The following SMAD6 variants were observed in gnomAD, a reference collection of about 807,000 sequenced individuals.
SMAD6 encodes the protein MAD homolog 6.
A neutral mutation model predicts 39.4 loss-of-function variants in SMAD6; 103 were observed. The observed-to-expected ratio is 2.62, with a 90% CI of 2.23 to 3.08. The LOEUF is 3.08. Among genes scored for constraint, SMAD6 ranks in the 30% most tolerant of loss-of-function variants. The pLI, the probability that SMAD6 is intolerant of heterozygous loss-of-function variation, is 0.00. For missense variants in SMAD6, 1,104 were observed against 742.9 expected (o/e 1.49, Z -5.65); for synonymous variants, 445 against 353.3 (o/e 1.26, Z -2.91).
intron 3 of SMAD6, among the ~76,000 whole-genome samples, chr15:66,721,668 AT>A (rs1893434693): frequency 6.6e-6 from 1 of 152,208 alleles, no homozygotes; most frequent in African/African-American, 2.4e-5. Context: ...GTTAAATGAG[AT>A]GATGCCTGTG....
intron 3 of SMAD6, among the ~76,000 whole-genome samples, chr15:66,735,138 TC>T (rs1467805503): frequency 2.6e-5 from 4 of 152,182 alleles, no homozygotes; most frequent in Non-Finnish European, 5.9e-5. Context: ...CAGGACACCA[TC>T]CCAGAGCTCT....
At chr15:66,749,161 CA>C (rs1351259744) in intron 3 of SMAD6, among the ~76,000 whole-genome samples, 2 of 152,048 alleles carry the variant, frequency 1.3e-5, no homozygotes, top group Non-Finnish European at 2.9e-5. Flanking sequence ...CCCGTCTCTA[CA>C]AAAAATACAA....
chr15:66,780,717 C>T lies in SMAD6; in HGVS notation c.953-280C>T, dbSNP rs78848466. ...GCAGGGTGTGCATGGTTCATGTCTG[C>T]GTCCGCAGCATCTAGCACACAACAG... On this transcript the variant is annotated intron_variant, in intron 3 of 3. Transcript: ENST00000288840. 7.9e-3 allele frequency among the ~76,000 whole-genome samples: 1,203 copies of T among 152,300 alleles called. 89 individuals carry two copies. The East Asian group carries it at 0.17, about 21-fold the overall frequency.
At position 66,782,145 on chromosome 15, in the gene SMAD6, A is replaced by G. The variant is rs538551080; in HGVS notation, c.*610A>G. ...TTGAAAAGGGAGGAAAGTCACATTT[A>G]CTCTTAAGTAAACCAGAGAAAGTTC... On this transcript the variant is annotated 3_prime_UTR_variant, in exon 4 of 4. Transcript: ENST00000288840. 2.6e-6 allele frequency: 1 copy of G among 381,532 alleles called. No individual in the cohort carries two copies. The highest frequency in any genetic ancestry group is 1.5e-4 in the South Asian group (1 of 6,868). The allele number at this position is 381,532 out of a possible 1,614,324, so 23.6% of individuals were successfully genotyped here. A position where few individuals can be genotyped will look rare whatever the true frequency, so the allele number is the denominator to read the frequency against.
rs1337307419 is a variant in SMAD6, at chr15:66,703,742, C to T, written c.484C>T (p.Arg162Cys). 31 of 1,380,464 alleles carry T rather than the reference C, an allele frequency of 2.2e-5. No homozygotes were observed. The highest frequency in any genetic ancestry group is 2.6e-5 in the Non-Finnish European group (27 of 1,054,108). 85.5% of individuals were successfully genotyped at this position (1,380,464 alleles called of 1,614,324 possible). ...PAGGGRSREARSRLLLLEQEL... is the reference protein window; with the variant it reads ...PAGGGRSREACSRLLLLEQEL... ...GGGCGGCGGGCGGAGTCGCGAAGCG[C>T]GCTCGCGGCTGCTGCTGCTGGAGCA... The change falls in exon 1 of 4, where the codon CGC becomes TGC. Residue 162 changes from arginine (R) to cysteine (C), a missense_variant. Physicochemically the swap from Arg to Cys is radical, Grantham distance 180. Transcript: ENST00000288840.
chr15:66,777,287 G>A (rs1894483425), intron 3 of SMAD6, among the ~76,000 whole-genome samples: 1 of 152,202 alleles, frequency 6.6e-6, no homozygotes, highest in Non-Finnish European at 1.5e-5. Context: ...CCTAGGGCCT[G>A]AGCCCAGCAG....
chr15:66,742,555 A>G (rs910731259), intron 3 of SMAD6, among the ~76,000 whole-genome samples: 5 of 151,984 alleles, frequency 3.3e-5, no homozygotes, highest in Non-Finnish European at 5.9e-5. Flanking sequence ...TGCAGCCTCA[A>G]TGTTTGTGGT....
intron 3 of SMAD6, among the ~76,000 whole-genome samples, chr15:66,777,383 C>T (rs1894484956): frequency 1.3e-5 from 2 of 152,012 alleles, no homozygotes; most frequent in South Asian, 4.1e-4. Context: ...CTGTCCCCTT[C>T]CCTTTTATTA....
At chr15:66,753,638 A>G (rs895459418) in intron 3 of SMAD6, among the ~76,000 whole-genome samples, 2 of 152,210 alleles carry the variant, frequency 1.3e-5, no homozygotes, top group African/African-American at 4.8e-5. Flanking sequence ...GCCTTCTGCC[A>G]TGGTAGGAGG....
chr15:66,704,044 C>A lies in SMAD6; in HGVS notation c.786C>A (p.Asn262Lys). ...CCGACGGCCCTACCGTGTGCTGCAA[C>A]CCCTACCACTTCAGCCGGCTCTGCG... ...AAADGPTVCCNPYHFSRLCGP... is the reference protein window; with the variant it reads ...AAADGPTVCCKPYHFSRLCGP... Residue 262 changes from asparagine (N) to lysine (K), a missense_variant, in exon 1 of 4, where the codon AAC becomes AAA. By Grantham distance (94) the Asn-to-Lys change is moderately conservative. Coordinates refer to ENST00000288840, the MANE Select transcript of SMAD6 (RefSeq NM_005585.5). 6.6e-7 allele frequency: 1 copy of A among 1,510,890 alleles called. No homozygotes were observed. The highest frequency in any genetic ancestry group is 8.8e-7 in the Non-Finnish European group (1 of 1,138,840). 93.6% of individuals were successfully genotyped at this position (1,510,890 alleles called of 1,614,324 possible). A position where few individuals can be genotyped will look rare whatever the true frequency, so the allele number is the denominator to read the frequency against.
chr15:66,761,161 A>G (rs180991140), intron 3 of SMAD6, among the ~76,000 whole-genome samples: 43 of 151,668 alleles, frequency 2.8e-4, no homozygotes, highest in Admixed American at 2.8e-3. Context: ...AGCCGGGAAA[A>G]CCCCTCTCTG....
chr15:66,719,382 G>A (rs906371501), intron 3 of SMAD6, among the ~76,000 whole-genome samples: 3 of 152,306 alleles, frequency 2.0e-5, no homozygotes, highest in South Asian at 2.1e-4. Flanking sequence ...GGTGCAGGGC[G>A]GCTCCGTGCC....
At position 66,781,308 on chromosome 15, in the gene SMAD6, G is replaced by A; in HGVS notation, c.1264G>A (p.Gly422Ser). The A allele has an allele frequency of 1.2e-6, 2 of 1,601,496 alleles. No individual in the cohort carries two copies. Among genetic ancestry groups the A allele is most frequent in the Non-Finnish European group, 1.7e-6 (2 of 1,175,458 alleles). Reference sequence around the variant, plus strand: ...CTCCCCGACGCTGGACGCGCCCGGCGGCCGCGCCCTGGTCGTGCGCAAGGT... The same window carrying A: ...CTCCCCGACGCTGGACGCGCCCGGCAGCCGCGCCCTGGTCGTGCGCAAGGT... ...VNSPTLDAPG[G>S]RALVVRKVPP... is the part of the protein sequence containing the mutation. Residue 422 changes from glycine to serine, a missense_variant, in exon 4 of 4, where the codon GGC becomes AGC. Physicochemically the swap from Gly to Ser is moderately conservative, Grantham distance 56 (BLOSUM62 0). Coordinates refer to ENST00000288840, the MANE Select transcript of SMAD6 (RefSeq NM_005585.5).
At position 66,703,956 on chromosome 15, in the gene SMAD6, C is replaced by T. The variant is rs764453720; in HGVS notation, c.698C>T (p.Pro233Leu). 9 of 1,427,546 alleles carry T rather than the reference C, an allele frequency of 6.3e-6. No individual in the cohort carries two copies. Among genetic ancestry groups the T allele is most frequent in the South Asian group, 1.4e-5 (1 of 71,300 alleles). The allele number at this position is 1,427,546 out of a possible 1,614,324, so 88.4% of individuals were successfully genotyped here. Residue 233 changes from proline (P) to leucine (L), a missense_variant, in exon 1 of 4, where the codon CCC (proline) becomes CTC (leucine). Physicochemically the swap from Pro to Leu is moderately conservative, Grantham distance 98 (BLOSUM62 -3). Transcript: ENST00000288840. Reference protein sequence around the residue: ...QLLLGRLFRWPDLQHAVELKP... With the variant: ...QLLLGRLFRWLDLQHAVELKP... ...CTGCTCGGCCGCCTCTTTCGCTGGCCCGACCTGCAGCACGCCGTGGAGCTG... is the reference window on the plus strand; with the variant it reads ...CTGCTCGGCCGCCTCTTTCGCTGGCTCGACCTGCAGCACGCCGTGGAGCTG...
rs1257064049 is a variant in SMAD6 at position 66,703,738 on chromosome 15, AGC to A, written c.485_486del (p.Arg162LeufsTer140). The A allele has an allele frequency of 7.3e-7, 1 of 1,374,308 alleles. No homozygotes were observed. 85.1% of individuals were successfully genotyped at this position (1,374,308 alleles called of 1,614,324 possible). A position where few individuals can be genotyped will look rare whatever the true frequency, so the allele number is the denominator to read the frequency against. ...CGGCGGGCGGCGGGCGGAGTCGCGAAGCGCGCTCGCGGCTGCTGCTGCTGGAG... is the reference window on the plus strand; with the variant it reads ...CGGCGGGCGGCGGGCGGAGTCGCGAAGCGCTCGCGGCTGCTGCTGCTGGAG... ...EPAGGGRSRE[A>X]RSRLLLLEQE... On this transcript the variant is annotated frameshift_variant, in exon 1 of 4. Coordinates refer to ENST00000288840, the MANE Select transcript of SMAD6 (RefSeq NM_005585.5). LOFTEE classifies it high-confidence loss of function.
At chr15:66,744,524 C>A (rs1004951226) in intron 3 of SMAD6, among the ~76,000 whole-genome samples, 1 of 152,234 alleles carries the variant, frequency 6.6e-6, no homozygotes, top group Non-Finnish European at 1.5e-5. Flanking sequence ...CTGCTCAGGG[C>A]CACGTGGACT....
At chr15:66,711,454 A>C (rs1399056793) in intron 1 of SMAD6, among the ~76,000 whole-genome samples, 1 of 152,214 alleles carries the variant, frequency 6.6e-6, no homozygotes, top group Non-Finnish European at 1.5e-5. Context: ...ACACAGCCAA[A>C]GGTGGCAGAG....
intron 3 of SMAD6, among the ~76,000 whole-genome samples, chr15:66,755,126 AT>A (rs2140652356): frequency 6.6e-6 from 1 of 152,184 alleles, no homozygotes; most frequent in South Asian, 2.1e-4. Context: ...AAAGCTGTTT[AT>A]TGGTTCCAGT....
chr15:66,770,290 T>C (rs1189363710), intron 3 of SMAD6, among the ~76,000 whole-genome samples: 1 of 152,176 alleles, frequency 6.6e-6, no homozygotes, highest in African/African-American at 2.4e-5. Context: ...GTTGGTGAAC[T>C]TGGGCATTTA....
Sources: allele counts gnomAD v4.1 joint callset (sites outside exome capture counted in the v4.1 genomes callset), GRCh38; gene constraint gnomAD v4.1.1; transcripts MANE v1.5; gene names NCBI Gene and HGNC (gene_info 2026-07-23, HGNC 2026-07-21).